GRIP1: variants seen among roughly 807,000 people sequenced by gnomAD.
GRIP1 encodes glutamate receptor interacting protein 1.
Under a neutral mutation model 129.9 loss-of-function variants are expected in GRIP1, and 45 were observed. That is an observed-to-expected ratio of 0.35 (90% CI 0.27 to 0.44). The LOEUF (loss-of-function observed/expected upper bound fraction) is 0.44. Among genes scored for constraint, GRIP1 ranks in the 20% least tolerant of loss-of-function variants. The pLI, the probability that GRIP1 is intolerant of heterozygous loss-of-function variation, is 1.00. For missense variants in GRIP1, 1,196 were observed against 1,396.8 expected (o/e 0.86, Z 2.29); for synonymous variants, 530 against 520.8 (o/e 1.02, Z -0.24).
In GRIP1 at chr12:67,067,165, C is replaced by G. The variant is rs537811513; in HGVS notation, c.58+1885G>C. Among the ~76,000 whole-genome samples the G allele has an allele frequency of 2.6e-5, 4 of 152,060 alleles. No homozygotes were observed. In the East Asian group the frequency reaches 7.7e-4, roughly 29 times the overall value. ...CTATTGGGGGAGATAAGGCAGAACA[C>G]TCAATTTCTTACTCAGATTTTTATG... On this transcript the variant is annotated intron_variant, in intron 1 of 1. Coordinates refer to the GRIP1 transcript ENST00000643019.
intron 1 of GRIP1, among the ~76,000 whole-genome samples, chr12:66,687,133 G>C (rs180820782): frequency 6.6e-6 from 1 of 152,192 alleles, no homozygotes; most frequent in East Asian, 1.9e-4. Flanking sequence ...TCAATTCTAA[G>C]ACACGTTACT....
chr12:66,411,059 C>T (rs891075848), intron 15 of GRIP1, among the ~76,000 whole-genome samples: 1 of 152,122 alleles, frequency 6.6e-6, no homozygotes, highest in Non-Finnish European at 1.5e-5. Context: ...GTTGACTTAG[C>T]CTTTCCTGCC....
In GRIP1 at chr12:66,515,511, T is replaced by A. The variant is rs17102607; in HGVS notation, c.724+108A>T. ...AATGATATAGTATTTATGAATTCTG[T>A]CTGCTCCAGGAGGGCATGACAATAC... On this transcript the variant is annotated intron_variant, in intron 7 of 24. Transcript: ENST00000359742. 8,260 of 988,324 alleles carry A rather than the reference T, an allele frequency of 8.4e-3. 297 individuals are homozygous for A. Among genetic ancestry groups the A allele is most frequent in the East Asian group, 0.08 (3,357 of 42,062 alleles). The allele number at this position is 988,324 out of a possible 1,614,324, so 61.2% of individuals were successfully genotyped here.
At chr12:66,627,251 T>C (rs533076695) in intron 1 of GRIP1, among the ~76,000 whole-genome samples, 6 of 152,326 alleles carry the variant, frequency 3.9e-5, no homozygotes, top group African/African-American at 9.6e-5. Flanking sequence ...ACTGCAATCC[T>C]GAAATTCAAC....
At chr12:66,353,370 A>C in intron 24 of GRIP1, 47 bp downstream of exon 24, 1 of 1,364,022 alleles carries the variant, frequency 7.3e-7, no homozygotes, top group Middle Eastern at 1.8e-4. Flanking sequence ...GGAAGCTCCC[A>C]GTGAGAAATT....
chr12:66,825,350 A>AGAC (rs779885525), intron 1 of GRIP1, among the ~76,000 whole-genome samples: 34 of 152,206 alleles, frequency 2.2e-4, no homozygotes, highest in South Asian at 4.1e-4. Flanking sequence ...AAGGCATGAG[A>AGAC]GGTTAAATAC....
intron 1 of GRIP1, among the ~76,000 whole-genome samples, chr12:66,947,690 T>C (rs959308161): frequency 6.6e-5 from 10 of 152,334 alleles, no homozygotes; most frequent in African/African-American, 2.4e-4. Context: ...CAACAAGGCA[T>C]TGTGAACAAG....
At chr12:66,834,724 T>A (rs944076579) in intron 1 of GRIP1, among the ~76,000 whole-genome samples, 3 of 152,052 alleles carry the variant, frequency 2.0e-5, no homozygotes, top group Non-Finnish European at 4.4e-5. Context: ...TTTATGGTGA[T>A]TTTTTTGGAT....
chr12:66,529,558 T>C (rs562092816), intron 5 of GRIP1, among the ~76,000 whole-genome samples: 185 of 152,314 alleles, frequency 1.2e-3, no homozygotes, highest in Non-Finnish European at 2.3e-3. Context: ...ATATCGTATG[T>C]TCTCACTCGT....
intron 15 of GRIP1, among the ~76,000 whole-genome samples, chr12:66,411,588 C>T (rs893095857): frequency 2.6e-5 from 4 of 152,138 alleles, no homozygotes; most frequent in Admixed American, 6.5e-5. Context: ...CAAATAACTG[C>T]GACACTTCTT....
rs1365136552 is a variant in GRIP1, at chr12:66,582,641, G to T, written c.136+14206C>A. On this transcript the variant is annotated intron_variant, in intron 2 of 24. Transcript: ENST00000359742. ...ACAAACAGAGAGCCAAATCATGAGT[G>T]AACTCCCATTCACAATTGCTTCAAA... Among the ~76,000 whole-genome samples the T allele has an allele frequency of 7.2e-5, 10 of 138,894 alleles. 1 individual carries two copies. The highest frequency in any genetic ancestry group is 2.3e-4 in the South Asian group (1 of 4,348). The allele number at this position is 138,894 out of a possible 152,430, so 91.1% of individuals were successfully genotyped here.
intron 1 of GRIP1, among the ~76,000 whole-genome samples, chr12:66,983,087 T>C (rs1224309514): frequency 6.6e-6 from 1 of 152,194 alleles, no homozygotes; most frequent in Non-Finnish European, 1.5e-5. Context: ...CATCATCTTA[T>C]ATCCATGAGC....
chr12:66,704,123 TAAC>T (rs1196609846), intron 1 of GRIP1, among the ~76,000 whole-genome samples: 1 of 152,112 alleles, frequency 6.6e-6, no homozygotes, highest in Non-Finnish European at 1.5e-5. Flanking sequence ...TGAAATTGAC[TAAC>T]TACTCCAAAA....
chr12:66,738,097 A>T (rs2036665896), intron 1 of GRIP1, among the ~76,000 whole-genome samples: 1 of 152,164 alleles, frequency 6.6e-6, no homozygotes, highest in Non-Finnish European at 1.5e-5. Context: ...ACAGGTGTTG[A>T]AGGACTGGGA....
At chr12:66,525,745 C>G (rs1325049500) in intron 5 of GRIP1, among the ~76,000 whole-genome samples, 3 of 152,138 alleles carry the variant, frequency 2.0e-5, no homozygotes, top group African/African-American at 4.8e-5. Flanking sequence ...CAAATTGTCC[C>G]TGTTTGCAGA....
intron 1 of GRIP1, among the ~76,000 whole-genome samples, chr12:66,938,467 A>G (rs939812473): frequency 1.2e-4 from 18 of 152,230 alleles, no homozygotes; most frequent in African/African-American, 4.3e-4. Flanking sequence ...TTTATGTTTT[A>G]ATACCACCAA....
chr12:66,550,023 C>A (rs1182606984), intron 2 of GRIP1, among the ~76,000 whole-genome samples: 2 of 152,084 alleles, frequency 1.3e-5, no homozygotes. Flanking sequence ...TCTGGCATAA[C>A]TGATTCAGGT....
chr12:66,386,563 G>C (rs2056368515), intron 19 of GRIP1, among the ~76,000 whole-genome samples: 1 of 152,194 alleles, frequency 6.6e-6, no homozygotes, highest in Non-Finnish European at 1.5e-5. Context: ...GAACCCGGGA[G>C]GCGGAGCTTA....
intron 1 of GRIP1, among the ~76,000 whole-genome samples, chr12:66,802,245 C>G (rs557515688): frequency 6.6e-6 from 1 of 152,140 alleles, no homozygotes; most frequent in East Asian, 1.9e-4. Flanking sequence ...AAGTTGGGGA[C>G]CCAATTTGCA....
Sources: gnomAD v4.1 joint callset for allele counts (sites outside exome capture counted in the v4.1 genomes callset) on GRCh38, gnomAD v4.1.1 for gene constraint, MANE v1.5 for transcripts, NCBI Gene and HGNC (gene_info 2026-07-23, HGNC 2026-07-21) for gene names.